Variants in SUGP1 observed in about 807,000 individuals in gnomAD.
SUGP1 encodes SURP and G-patch domain containing 1.
A neutral mutation model predicts 76.5 loss-of-function variants in SUGP1; 34 were observed. The ratio of observed to expected loss-of-function variants is 0.44; its 90% confidence interval spans 0.34 to 0.59. The LOEUF (loss-of-function observed/expected upper bound fraction) is 0.59, where lower values mean the gene tolerates loss of function less well. Among genes scored for constraint, SUGP1 ranks in the 20% least tolerant of loss-of-function variants. The pLI is 0.01. For synonymous variants in SUGP1, 326 were observed against 326.2 expected, an observed-to-expected ratio of 1.00 and a Z score of 0.01; for missense variants, 752 against 851.7, an observed-to-expected ratio of 0.88 and a Z score of 1.46.
chr19:19,280,388 A>G (rs2061088944), intron 8 of SUGP1, 97 bp from the exon 9 acceptor site: 10 of 1,059,850 alleles, frequency 9.4e-6, no homozygotes, highest in African/African-American at 1.6e-5. Context: ...CCTTCATGAC[A>G]CTCCAGGCAC....
At chr19:19,291,255 A>G (rs984619446) in intron 8 of SUGP1, among the ~76,000 whole-genome samples, 2 of 152,216 alleles carry the variant, frequency 1.3e-5, no homozygotes, top group Admixed American at 1.3e-4. Context: ...TAGAGTGGAG[A>G]TAAGAAAATG....
In SUGP1 at chr19:19,276,051, T is replaced by TTTA. The variant is rs368686657; in HGVS notation, c.*594_*596dup. 5.3e-4 allele frequency: 81 copies of TTTA among 153,234 alleles called. No homozygotes were observed. The highest frequency in any genetic ancestry group is 1.6e-3 in the African/African-American group (65 of 41,502). 9.5% of individuals were successfully genotyped at this position (153,234 alleles called of 1,614,324 possible). ...GCCCAGGTGTGGCCAAGTCTCCAGC[T>TTTA]TTATTATTATTATTATTATTTGAGA... On this transcript the variant is annotated 3_prime_UTR_variant, in exon 14 of 14. Transcript: ENST00000247001.
intron 8 of SUGP1, among the ~76,000 whole-genome samples, chr19:19,289,030 C>T (rs547115062): frequency 3.3e-4 from 50 of 151,858 alleles, no homozygotes; most frequent in African/African-American, 1.2e-3. Context: ...GTGATCTGTC[C>T]ACCTCAGCCT....
chr19:19,276,558 A>C lies in SUGP1; in HGVS notation c.*90T>G. 1.3e-6 allele frequency: 2 copies of C among 1,525,852 alleles called. No homozygotes were observed. The highest frequency in any genetic ancestry group is 9.1e-7 in the Non-Finnish European group (1 of 1,103,454). The allele number at this position is 1,525,852 out of a possible 1,614,324, so 94.5% of individuals were successfully genotyped here. On this transcript the variant is annotated 3_prime_UTR_variant, in exon 14 of 14. Transcript: ENST00000247001. ...TTTATTACACGGCACGGCACTCGTG[A>C]CAACGGAAGGGGTGGGCAGAAATGC...
chr19:19,299,095 G>GGT (rs2061251444), intron 7 of SUGP1, among the ~76,000 whole-genome samples: 1 of 152,188 alleles, frequency 6.6e-6, no homozygotes, highest in South Asian at 2.1e-4. Flanking sequence ...CTGTTAAGGT[G>GGT]TTTCCTGCCA....
chr19:19,282,556 T>C (rs1351254066), intron 8 of SUGP1, among the ~76,000 whole-genome samples: 1 of 152,000 alleles, frequency 6.6e-6, no homozygotes, highest in Non-Finnish European at 1.5e-5. Context: ...TACCAATGTG[T>C]GAGCATCACA....
At chr19:19,302,107 G>T in intron 7 of SUGP1, 158 bp downstream of exon 7, 1 of 1,173,154 alleles carries the variant, frequency 8.5e-7, no homozygotes, top group East Asian at 2.4e-5. Flanking sequence ...ATGCCTGTGG[G>T]GAGGCAGAGC....
intron 6 of SUGP1, among the ~76,000 whole-genome samples, chr19:19,302,707 G>A (rs781483492): frequency 2.3e-4 from 35 of 152,148 alleles, no homozygotes; most frequent in Admixed American, 5.9e-4. Context: ...CACATGGTTA[G>A]GGGGTGCTGT....
intron 5 of SUGP1, 85 bp from the exon 6 acceptor site, chr19:19,303,533 A>C (rs888765885): frequency 7.0e-7 from 1 of 1,429,278 alleles, no homozygotes; most frequent in East Asian, 2.3e-5. Flanking sequence ...GTGCAAAAAA[A>C]GGCAGGCTGG....
At chr19:19,306,695 A>G (rs949248159) in intron 3 of SUGP1, among the ~76,000 whole-genome samples, 5 of 152,256 alleles carry the variant, frequency 3.3e-5, no homozygotes, top group African/African-American at 1.2e-4. Context: ...CCCACCTGGC[A>G]TATCACACTG....
chr19:19,291,889 T>TCACTCA (rs1555788750), intron 8 of SUGP1, among the ~76,000 whole-genome samples: 5 of 128,710 alleles, frequency 3.9e-5, no homozygotes, highest in African/African-American at 1.2e-4. Context: ...TGAGACTCTG[T>TCACTCA]CACACACACA....
intron 3 of SUGP1, among the ~76,000 whole-genome samples, chr19:19,308,271 C>A (rs1397129931): frequency 6.6e-6 from 1 of 151,720 alleles, no homozygotes; most frequent in African/African-American, 2.4e-5. Context: ...CGAGCTCAAG[C>A]GATCCTGTCC....
intron 2 of SUGP1, among the ~76,000 whole-genome samples, chr19:19,312,952 T>C (rs1396960093): frequency 1.3e-5 from 2 of 150,722 alleles, no homozygotes; most frequent in Non-Finnish European, 2.9e-5. Flanking sequence ...ATCGTGCCAC[T>C]GCACTCCAGC....
chr19:19,295,555 G>T (rs1402325228), intron 8 of SUGP1, among the ~76,000 whole-genome samples: 1 of 139,352 alleles, frequency 7.2e-6, no homozygotes, highest in Non-Finnish European at 1.5e-5. Context: ...AGTGAGCTGA[G>T]ACTGTGCCAC....
At chr19:19,300,167 C>G (rs1389974793) in intron 7 of SUGP1, among the ~76,000 whole-genome samples, 2 of 152,274 alleles carry the variant, frequency 1.3e-5, no homozygotes, top group Middle Eastern at 3.4e-3. Context: ...CCTTTGCCTC[C>G]TGGGTTCAAG....
In SUGP1 at chr19:19,280,170, TC is replaced by T. The variant is rs1568617686; in HGVS notation, c.1350+14del. On this transcript the variant is annotated intron_variant, in intron 9 of 13. Coordinates refer to ENST00000247001, the MANE Select transcript of SUGP1 (RefSeq NM_172231.4). ...CGCCGACCATGTCCCCGTCCCCTTG[TC>T]CCCGCAGTCTTACCTCCTGCTGCTC... 6.2e-7 allele frequency: 1 copy of T among 1,612,322 alleles called. No homozygotes were observed. Among genetic ancestry groups the T allele is most frequent in the Middle Eastern group, 1.7e-4 (1 of 6,052 alleles).
chr19:19,301,440 C>T (rs1053861376), intron 7 of SUGP1, among the ~76,000 whole-genome samples: 6 of 152,168 alleles, frequency 3.9e-5, no homozygotes, highest in Non-Finnish European at 8.8e-5. Context: ...GTCTGCCCAC[C>T]CTCCACGACC....
At chr19:19,318,745 G>A (rs1003467688) in intron 1 of SUGP1, among the ~76,000 whole-genome samples, 1 of 152,082 alleles carries the variant, frequency 6.6e-6, no homozygotes, top group Non-Finnish European at 1.5e-5. Flanking sequence ...CCACAGGGTC[G>A]TTTTATTTTC....
chr19:19,307,976 T>C (rs747556160), intron 3 of SUGP1, among the ~76,000 whole-genome samples: 1 of 151,852 alleles, frequency 6.6e-6, no homozygotes, highest in Non-Finnish European at 1.5e-5. Flanking sequence ...GTATTTTTCA[T>C]GATTAACAAA....
Sources: gnomAD v4.1 joint callset for allele counts (sites outside exome capture counted in the v4.1 genomes callset) on GRCh38, gnomAD v4.1.1 for gene constraint, MANE v1.5 for transcripts, NCBI Gene and HGNC (gene_info 2026-07-23, HGNC 2026-07-21) for gene names.